DNHD1: variants seen among roughly 807,000 people sequenced by gnomAD.
DNHD1 encodes the protein dynein heavy chain domain-containing protein 1.
In DNHD1, 383 loss-of-function variants were observed where a neutral mutation model predicts 458.1. That is an observed-to-expected ratio of 0.84 (90% CI 0.77 to 0.91). DNHD1 has a LOEUF of 0.91. Ranked by LOEUF, DNHD1 falls within the 40% of genes least tolerant of loss-of-function variation. The pLI is 0.00. For synonymous variants in DNHD1, 2,203 were observed against 2,376.9 expected, an observed-to-expected ratio of 0.93 and a Z score of 2.13; for missense variants, 5,336 against 5,866.1, an observed-to-expected ratio of 0.91 and a Z score of 2.95.
chr11:6,533,362 C>T (rs1852869375), intron 13 of DNHD1, among the ~76,000 whole-genome samples, 178 bp downstream of exon 13: 1 of 152,216 alleles, frequency 6.6e-6, no homozygotes, highest in African/African-American at 2.4e-5. Context: ...CCTCAGGTTC[C>T]TCATGTCACA....
At chr11:6,538,298 C>T (rs752013436) in intron 14 of DNHD1, 85 bp from the exon 15 acceptor site, 71 of 1,316,880 alleles carry the variant, frequency 5.4e-5, no homozygotes, top group Non-Finnish European at 6.9e-5. Context: ...TACCTTCTGT[C>T]ATTATGGGCT....
chr11:6,540,573 G>C (rs1853078105), intron 18 of DNHD1, among the ~76,000 whole-genome samples: 1 of 152,186 alleles, frequency 6.6e-6, no homozygotes, highest in Non-Finnish European at 1.5e-5. Flanking sequence ...ATACTATAGG[G>C]ATAAACACAA....
At chr11:6,534,415 A>G (rs1476557065) in intron 14 of DNHD1, among the ~76,000 whole-genome samples, 1 of 151,750 alleles carries the variant, frequency 6.6e-6, no homozygotes, top group Non-Finnish European at 1.5e-5. Flanking sequence ...AAGGCAAACA[A>G]GTGAATGTTC....
At chr11:6,508,836 C>G in intron 4 of DNHD1, 44 bp from the exon 5 acceptor site, 1 of 1,601,250 alleles carries the variant, frequency 6.2e-7, no homozygotes, top group Non-Finnish European at 8.5e-7. Flanking sequence ...TAAAGTCTGA[C>G]CACGTTCCCA....
intron 10 of DNHD1, chr11:6,520,530 G>A: frequency 7.3e-7 from 1 of 1,363,084 alleles, no homozygotes. Flanking sequence ...GTATGAAAGA[G>A]TGTGAGTACA....
At chr11:6,561,668 T>C (rs923405212) in intron 28 of DNHD1, among the ~76,000 whole-genome samples, 1 of 152,120 alleles carries the variant, frequency 6.6e-6, no homozygotes, top group African/African-American at 2.4e-5. Flanking sequence ...TATAACATGG[T>C]AGGAGCTCAA....
At chr11:6,517,150 A>G (rs1288324752) in intron 7 of DNHD1, among the ~76,000 whole-genome samples, 1 of 152,214 alleles carries the variant, frequency 6.6e-6, no homozygotes, top group Non-Finnish European at 1.5e-5. Context: ...CCTTTTAAAA[A>G]TAAAATTGAC....
In DNHD1 at chr11:6,547,033, T is replaced by G. The variant is rs1163036253; in HGVS notation, c.6094T>G (p.Tyr2032Asp). The G allele has an allele frequency of 1.3e-6, 2 of 1,551,688 alleles. No homozygotes were observed. The highest frequency in any genetic ancestry group is 3.9e-5 in the Admixed American group (2 of 50,992). Residue 2032 changes from tyrosine to aspartate, a missense_variant, in exon 21 of 43, where the codon TAC (tyrosine) becomes GAC (aspartate). Around this residue, in one of 4 missense-constraint regions of DNHD1, gnomAD observed 3,932 missense variants for 4,365.6 expected, o/e 0.90. Transcript: ENST00000254579. ...CCAGCCTGTGGAAATTACCCACCTG[T>G]ACCCCAGTGGCCTCAGCCCCCAGGA... ...GCQPVEITHL[Y>D]PSGLSPQEFL...
In DNHD1 at chr11:6,501,380, G is replaced by A. The variant is rs1046551778; in HGVS notation, c.747-1373G>A. On this transcript the variant is annotated intron_variant, in intron 3 of 42. Coordinates refer to ENST00000254579, the MANE Select transcript of DNHD1 (RefSeq NM_144666.3). ...AGAAGTAGGTGCTCAATAAATATTC[G>A]TAGACTAAATGAATAAATAGACTAA... Among the ~76,000 whole-genome samples the A allele has an allele frequency of 7.3e-5, 11 of 150,980 alleles. No individual in the cohort carries two copies. In the East Asian group the frequency reaches 1.4e-3, roughly 19 times the overall value.
rs60513613 is a variant in DNHD1 at position 6,529,215 on chromosome 11, C to T, written c.2347+94C>T. 11,496 of 1,358,700 alleles carry T rather than the reference C, an allele frequency of 8.5e-3. 725 individuals are homozygous for T. In the African/African-American group the frequency reaches 0.14, roughly 17 times the overall value. The allele number at this position is 1,358,700 out of a possible 1,614,324, so 84.2% of individuals were successfully genotyped here. ...TCCTGGAATGTCCTCCGGAGACCTTCGGTGCAGGCCTCTTATTGGACCTAT... is the reference window on the plus strand; with the variant it reads ...TCCTGGAATGTCCTCCGGAGACCTTTGGTGCAGGCCTCTTATTGGACCTAT... On this transcript the variant is annotated intron_variant, in intron 12 of 42. Transcript: ENST00000254579.
chr11:6,567,806 A>G lies in DNHD1; in HGVS notation c.12297A>G (p.Ser4099=). 2 of 1,613,646 alleles carry G rather than the reference A, an allele frequency of 1.2e-6. No homozygotes were observed. The highest frequency in any genetic ancestry group is 1.7e-6 in the Non-Finnish European group (2 of 1,179,874). ...LILLPPPGHP[S]ATLHPLTVIQ... The stretch of plus-strand genomic sequence containing the variant: ...TGTTGCCACCGCCTGGCCACCCCTC[A>G]GCCACTCTGCATCCTCTGACTGTCA... Residue 4099 remains serine (S), a synonymous_variant, in exon 36 of 43, where the codon TCA becomes TCG. Coordinates refer to ENST00000254579, the MANE Select transcript of DNHD1 (RefSeq NM_144666.3).
At position 6,545,354 on chromosome 11, in the gene DNHD1, C is replaced by T; in HGVS notation, c.4415C>T (p.Ala1472Val). The change falls in exon 21 of 43, where the codon GCT (alanine) becomes GTT (valine). Residue 1472 changes from alanine (A) to valine (V), a missense_variant. Physicochemically the swap from Ala to Val is moderately conservative, Grantham distance 64. Coordinates refer to ENST00000254579, the MANE Select transcript of DNHD1 (RefSeq NM_144666.3). This position sits in a 1 kb window ranked among gnomAD's most constrained non-coding sequence, Gnocchi z 4.9. ...CAGGGCTGTGTGGCTGCTCGCCTTG[C>T]TCGAGGCCCATCTCTAGGTGAGGCC... ...MLQGCVAARLARGPSLGEALK... is the reference protein window; with the variant it reads ...MLQGCVAARLVRGPSLGEALK... The T allele has an allele frequency of 6.4e-7, 1 of 1,551,790 alleles. No homozygotes were observed.
In DNHD1 at chr11:6,546,273, C is replaced by T. The variant is rs1192651610; in HGVS notation, c.5334C>T (p.Asp1778=). 6.4e-7 allele frequency: 1 copy of T among 1,552,258 alleles called. No individual in the cohort carries two copies. Among genetic ancestry groups the T allele is most frequent in the East Asian group, 2.4e-5 (1 of 40,930 alleles). ...CTTCCCGAAACACAAGCACCATAGACCCCACCCAGCCCCAGCTCCTTGGCA... is the reference window on the plus strand; with the variant it reads ...CTTCCCGAAACACAAGCACCATAGATCCCACCCAGCCCCAGCTCCTTGGCA... ...QEASRNTSTI[D]PTQPQLLGSS... Residue 1778 remains aspartate, a synonymous_variant, in exon 21 of 43, where the codon GAC becomes GAT. Transcript: ENST00000254579.
chr11:6,540,217 T>G, intron 18 of DNHD1, 134 bp downstream of exon 18: 1 of 745,640 alleles, frequency 1.3e-6, no homozygotes, highest in Non-Finnish European at 2.2e-6. Context: ...AAGACATTAG[T>G]CTGTTCTGAG....
intron 24 of DNHD1, among the ~76,000 whole-genome samples, chr11:6,551,725 G>A (rs1427758873): frequency 6.6e-5 from 10 of 152,006 alleles, no homozygotes; most frequent in Admixed American, 6.6e-5. Context: ...GGCAGATCAC[G>A]AGGTCAGGAG....
chr11:6,500,103 T>A (rs1852105148), intron 3 of DNHD1, among the ~76,000 whole-genome samples: 1 of 152,108 alleles, frequency 6.6e-6, no homozygotes, highest in South Asian at 2.1e-4. Flanking sequence ...TAGCTGGGAT[T>A]ACAGGCTCAT....
intron 24 of DNHD1, among the ~76,000 whole-genome samples, chr11:6,551,836 G>A (rs541731060): frequency 1.3e-5 from 2 of 152,058 alleles, no homozygotes; most frequent in Non-Finnish European, 2.9e-5. Flanking sequence ...AGCTACTCGG[G>A]AGGCTGAGGC....
At chr11:6,565,575 C>G in intron 32 of DNHD1, 120 bp from the exon 33 acceptor site, 5 of 1,138,154 alleles carry the variant, frequency 4.4e-6, no homozygotes, top group Non-Finnish European at 4.9e-6. Flanking sequence ...GCTTAAGCAA[C>G]TTTCCTAAGA....
In DNHD1 at chr11:6,547,318, G is replaced by C. The variant is rs1853243149; in HGVS notation, c.6379G>C (p.Glu2127Gln). 11 of 1,551,714 alleles carry C rather than the reference G, an allele frequency of 7.1e-6. No individual in the cohort carries two copies. The highest frequency in any genetic ancestry group is 2.7e-5 in the African/African-American group (2 of 73,060). ...ARPPGTFLLMEVADTTGISPT... is the reference protein window; with the variant it reads ...ARPPGTFLLMQVADTTGISPT... ...ACCCCCAGGCACCTTTCTCTTGATG[G>C]AGGTGGCTGACACAACAGGCATATC... The change falls in exon 21 of 43, where the codon GAG (glutamate) becomes CAG (glutamine). Residue 2127 changes from glutamate (E) to glutamine (Q), a missense_variant. Glu to Gln is a conservative substitution (Grantham distance 29). Transcript: ENST00000254579.
Sources: allele counts gnomAD v4.1 joint callset (sites outside exome capture counted in the v4.1 genomes callset), GRCh38; gene constraint gnomAD v4.1.1; regional missense constraint gnomAD v4.1.1; non-coding constraint Gnocchi (gnomAD v3.1); transcripts MANE v1.5; gene names NCBI Gene and HGNC (gene_info 2026-07-23, HGNC 2026-07-21).